RHOJ: variants seen among roughly 807,000 people sequenced by gnomAD.
RHOJ encodes rho-related GTP-binding protein RhoJ.
In RHOJ, 11 loss-of-function variants were observed where a neutral mutation model predicts 23.4. The observed-to-expected ratio is 0.47, with a 90% CI of 0.30 to 0.78. The LOEUF (loss-of-function observed/expected upper bound fraction) is 0.78, where lower values mean the gene tolerates loss of function less well. RHOJ is among the 30% of genes least tolerant of loss of function. RHOJ has a pLI of 0.08. For missense variants in RHOJ, 254 were observed against 273.4 expected (o/e 0.93, Z 0.50); for synonymous variants, 102 against 102.7 (o/e 0.99, Z 0.04).
chr14:63,264,579 G>A (rs1387953517), intron 1 of RHOJ, among the ~76,000 whole-genome samples: 3 of 152,168 alleles, frequency 2.0e-5, no homozygotes, highest in African/African-American at 7.2e-5. Context: ...GTAGTTTTAA[G>A]TTCTTTGAGA....
chr14:63,230,859 T>TTTTTTTG (rs1594757608), intron 1 of RHOJ, among the ~76,000 whole-genome samples: 1 of 149,496 alleles, frequency 6.7e-6, no homozygotes, highest in African/African-American at 2.5e-5. Flanking sequence ...TTTTTTTTTT[T>TTTTTTTG]AGATGGAGTC....
intron 1 of RHOJ, among the ~76,000 whole-genome samples, chr14:63,219,754 T>A (rs1894445128): frequency 6.6e-6 from 1 of 151,408 alleles, no homozygotes; most frequent in Non-Finnish European, 1.5e-5. Context: ...AGGCGGAGGT[T>A]GCAGTGAGCC....
At chr14:63,233,231 C>A (rs747517412) in intron 1 of RHOJ, among the ~76,000 whole-genome samples, 5 of 152,110 alleles carry the variant, frequency 3.3e-5, no homozygotes, top group Non-Finnish European at 5.9e-5. Flanking sequence ...TAACTTCCTG[C>A]CAAATCCTGA....
intron 2 of RHOJ, among the ~76,000 whole-genome samples, chr14:63,270,999 T>G (rs1320468923): frequency 6.6e-6 from 1 of 152,210 alleles, no homozygotes; most frequent in Non-Finnish European, 1.5e-5. Flanking sequence ...TTTCCCACTG[T>G]TCTGTCCTTT....
chr14:63,233,102 G>C (rs1369794153), intron 1 of RHOJ, among the ~76,000 whole-genome samples: 1 of 152,150 alleles, frequency 6.6e-6, no homozygotes, highest in African/African-American at 2.4e-5. Context: ...AGAATGTGAG[G>C]ATCATGGGAA....
At position 63,292,797 on chromosome 14, in the gene RHOJ, A is replaced by T. The variant is rs1882290838; in HGVS notation, c.*1773A>T. 1 of 152,144 alleles carries T rather than the reference A, an allele frequency of 6.6e-6. No individual in the cohort carries two copies. Among genetic ancestry groups the T allele is most frequent in the Non-Finnish European group, 1.5e-5 (1 of 68,040 alleles). The allele number at this position is 152,144 out of a possible 1,614,324, so 9.4% of individuals were successfully genotyped here. A position where few individuals can be genotyped will look rare whatever the true frequency, so the allele number is the denominator to read the frequency against. Reference sequence around the variant, plus strand: ...GATCCTGTGTCTCTATAAAAAAATTAAAAATTAGTCAGTTGTAGTGACACA... The same window carrying T: ...GATCCTGTGTCTCTATAAAAAAATTTAAAATTAGTCAGTTGTAGTGACACA... On this transcript the variant is annotated 3_prime_UTR_variant, in exon 5 of 5. Transcript: ENST00000316754.
At chr14:63,241,090 G>A (rs1201916582) in intron 1 of RHOJ, among the ~76,000 whole-genome samples, 2 of 152,204 alleles carry the variant, frequency 1.3e-5, no homozygotes, top group Non-Finnish European at 2.9e-5. Context: ...TCCCTTTGAG[G>A]TTACCATCAG....
intron 1 of RHOJ, among the ~76,000 whole-genome samples, chr14:63,262,451 C>T (rs899499517): frequency 6.6e-6 from 1 of 152,098 alleles, no homozygotes; most frequent in Non-Finnish European, 1.5e-5. Context: ...GGGAAAGGAC[C>T]TTCATTTTAC....
At chr14:63,231,159 G>A (rs1386120783) in intron 1 of RHOJ, among the ~76,000 whole-genome samples, 1 of 152,132 alleles carries the variant, frequency 6.6e-6, no homozygotes, top group Non-Finnish European at 1.5e-5. Context: ...AAAGTGCTAG[G>A]ATTACATGTG....
Position 63,210,118 on chromosome 14 carries a change from C to T in RHOJ, c.178+5071C>T, listed in dbSNP as rs567484381. 2.0e-5 allele frequency among the ~76,000 whole-genome samples: 3 copies of T among 152,076 alleles called. 1 individual carries two copies. Among genetic ancestry groups the T allele is most frequent in the African/African-American group, 7.2e-5 (3 of 41,490 alleles). ...GGGACAATAGGCACGTGCCACCACG[C>T]CCAGCTAATTTTTTTCTATTTTTAG... On this transcript the variant is annotated intron_variant, in intron 1 of 4. Coordinates refer to ENST00000316754, the MANE Select transcript of RHOJ (RefSeq NM_020663.5).
chr14:63,214,890 T>G (rs1894320403), intron 1 of RHOJ, among the ~76,000 whole-genome samples: 1 of 151,986 alleles, frequency 6.6e-6, no homozygotes, highest in Non-Finnish European at 1.5e-5. Context: ...ATAATCAACA[T>G]GACTCTAAGA....
Position 63,290,915 on chromosome 14 carries a change from C to T in RHOJ, c.536C>T (p.Thr179Ile). 1 of 1,614,000 alleles carries T rather than the reference C, an allele frequency of 6.2e-7. No homozygotes were observed. Among genetic ancestry groups the T allele is most frequent in the East Asian group, 2.2e-5 (1 of 44,886 alleles). The change falls in exon 5 of 5, where the codon ACT (threonine) becomes ATT (isoleucine). Residue 179 changes from threonine to isoleucine, a missense_variant. Transcript: ENST00000316754. ...TGCTACTTGGAATGTTCAGCTCTGA[C>T]TCAGAAAGGTCTCAAAGCGGTTTTT... ...AQCYLECSALTQKGLKAVFDE... is the reference protein window; with the variant it reads ...AQCYLECSALIQKGLKAVFDE...
chr14:63,213,333 T>C lies in RHOJ; in HGVS notation c.178+8286T>C, dbSNP rs1894280938. 2.0e-5 allele frequency among the ~76,000 whole-genome samples: 3 copies of C among 152,328 alleles called. No individual in the cohort carries two copies. The South Asian group carries it at 6.2e-4, about 32-fold the overall frequency. On this transcript the variant is annotated intron_variant, in intron 1 of 4. Transcript: ENST00000316754. Reference sequence around the variant, plus strand: ...TCAGTATCTATTGTTGCCATCTTCCTGTCCATGTGTACCCAGTGTCTACCT... The same window carrying C: ...TCAGTATCTATTGTTGCCATCTTCCCGTCCATGTGTACCCAGTGTCTACCT...
At chr14:63,234,260 A>G (rs1894747766) in intron 1 of RHOJ, among the ~76,000 whole-genome samples, 1 of 152,216 alleles carries the variant, frequency 6.6e-6, no homozygotes, top group Admixed American at 6.5e-5. Flanking sequence ...GGTCAAGCAT[A>G]TAGTACCTTA....
At chr14:63,226,714 T>C (rs1894601342) in intron 1 of RHOJ, among the ~76,000 whole-genome samples, 1 of 151,086 alleles carries the variant, frequency 6.6e-6, no homozygotes, top group African/African-American at 2.4e-5. Context: ...AAAAATATCC[T>C]GGAGTAAAAG....
chr14:63,222,740 AGTAGATTGCAAAAATTTTCTCCCATTCT>A (rs1383792636), intron 1 of RHOJ, among the ~76,000 whole-genome samples: 1 of 151,922 alleles, frequency 6.6e-6, no homozygotes, highest in African/African-American at 2.4e-5. Flanking sequence ...TTGTCAGATG[AGTAGATTGCAAAAATTTTCTCCCATTCT>A]GTAGGTTGCC....
chr14:63,280,925 C>T (rs1295375474), intron 2 of RHOJ, 46 bp from the exon 3 acceptor site: 2 of 1,564,202 alleles, frequency 1.3e-6, no homozygotes, highest in African/African-American at 2.7e-5. Flanking sequence ...CTACATGGGA[C>T]ACACCTTACA....
intron 1 of RHOJ, among the ~76,000 whole-genome samples, chr14:63,214,824 G>A (rs1402774931): frequency 2.0e-5 from 3 of 152,162 alleles, no homozygotes; most frequent in African/African-American, 7.2e-5. Context: ...AAAGCCTTGA[G>A]CTTGGGCATA....
In RHOJ at chr14:63,291,491, A is replaced by G. The variant is rs1240696764; in HGVS notation, c.*467A>G. 5.2e-6 allele frequency: 1 copy of G among 193,694 alleles called. No individual in the cohort carries two copies. The highest frequency in any genetic ancestry group is 2.4e-5 in the African/African-American group (1 of 41,912). The allele number at this position is 193,694 out of a possible 1,614,324, so 12.0% of individuals were successfully genotyped here. A position where few individuals can be genotyped will look rare whatever the true frequency, so the allele number is the denominator to read the frequency against. On this transcript the variant is annotated 3_prime_UTR_variant, in exon 5 of 5. Coordinates refer to ENST00000316754, the MANE Select transcript of RHOJ (RefSeq NM_020663.5). ...TGTTCTACCCATGTGTCTCACATTC[A>G]TTTGTATTATTTCAAGAAATGTACT... is the stretch of plus-strand genomic sequence containing the variant.
Sources: gnomAD v4.1 joint callset for allele counts (sites outside exome capture counted in the v4.1 genomes callset) on GRCh38, gnomAD v4.1.1 for gene constraint, MANE v1.5 for transcripts, NCBI Gene and HGNC (gene_info 2026-07-23, HGNC 2026-07-21) for gene names.